Variants in DNM3 observed in about 807,000 individuals in gnomAD.
DNM3 encodes dynamin-3.
DNM3 carries 47 observed loss-of-function variants against 101.6 expected under a neutral mutation model. That is an observed-to-expected ratio of 0.46 (90% CI 0.37 to 0.59). DNM3 has a LOEUF of 0.59. Among genes scored for constraint, DNM3 ranks in the 20% least tolerant of loss-of-function variants. DNM3 has a pLI of 0.00. For synonymous variants in DNM3, 385 were observed against 387.9 expected, an observed-to-expected ratio of 0.99 and a Z score of 0.09; for missense variants, 849 against 1,085.7, an observed-to-expected ratio of 0.78 and a Z score of 3.06.
intron 10 of DNM3, among the ~76,000 whole-genome samples, chr1:172,061,588 T>G (rs1293942641): frequency 1.3e-5 from 2 of 151,536 alleles, no homozygotes; most frequent in African/African-American, 2.4e-5. Flanking sequence ...CTCAGTAAAC[T>G]ATCTCAAGAA....
At chr1:172,314,052 C>A (rs1394523386) in intron 16 of DNM3, among the ~76,000 whole-genome samples, 1 of 150,798 alleles carries the variant, frequency 6.6e-6, no homozygotes, top group Non-Finnish European at 1.5e-5. Flanking sequence ...AGTGTGGCAA[C>A]TCCTCAAGGA....
At chr1:172,170,358 A>AGAC (rs1296937028) in intron 14 of DNM3, among the ~76,000 whole-genome samples, 1 of 151,796 alleles carries the variant, frequency 6.6e-6, no homozygotes, top group African/African-American at 2.4e-5. Flanking sequence ...CAGATGTGCT[A>AGAC]GACTTAAGCA....
At chr1:172,348,424 A>C (rs113865753) in intron 17 of DNM3, among the ~76,000 whole-genome samples, 1 of 152,234 alleles carries the variant, frequency 6.6e-6, no homozygotes, top group African/African-American at 2.4e-5. Flanking sequence ...GGTCACCTAC[A>C]AAGGAGTGGA....
intron 13 of DNM3, among the ~76,000 whole-genome samples, chr1:172,097,489 G>C (rs2054324637): frequency 6.6e-6 from 1 of 152,124 alleles, no homozygotes; most frequent in African/African-American, 2.4e-5. Flanking sequence ...TGAGGTTCAG[G>C]ACTCATGTAC....
chr1:172,179,889 G>A (rs1022440194), intron 14 of DNM3, among the ~76,000 whole-genome samples: 29 of 151,924 alleles, frequency 1.9e-4, no homozygotes, highest in Non-Finnish European at 2.1e-4. Flanking sequence ...CGCCCATGGC[G>A]TACATAGCAG....
At chr1:171,849,810 TAA>T in intron 1 of DNM3, among the ~76,000 whole-genome samples, 1 of 152,228 alleles carries the variant, frequency 6.6e-6, no homozygotes, top group African/African-American at 2.4e-5. Flanking sequence ...AATTTAGAAA[TAA>T]AAAAGATTAA....
At chr1:172,355,860 A>G (rs2067428895) in intron 17 of DNM3, among the ~76,000 whole-genome samples, 1 of 152,136 alleles carries the variant, frequency 6.6e-6, no homozygotes, top group Non-Finnish European at 1.5e-5. Flanking sequence ...AGAACTGATG[A>G]AAGTCATGAA....
intron 2 of DNM3, among the ~76,000 whole-genome samples, chr1:171,937,002 A>T (rs193226500): frequency 4.6e-4 from 70 of 152,342 alleles, no homozygotes; most frequent in African/African-American, 1.5e-3. Context: ...GGAGTCACTA[A>T]TATGAGAACA....
intron 14 of DNM3, among the ~76,000 whole-genome samples, chr1:172,227,402 G>A (rs954936711): frequency 6.6e-6 from 1 of 150,596 alleles, no homozygotes. Flanking sequence ...ACACATGCAA[G>A]TGTCTTTTTG....
chr1:172,157,194 G>A (rs771374759), intron 14 of DNM3, among the ~76,000 whole-genome samples: 6 of 152,042 alleles, frequency 3.9e-5, no homozygotes, highest in East Asian at 1.9e-4. Flanking sequence ...GGGAGACAGC[G>A]ACAGATCATC....
chr1:172,006,861 A>G (rs2046729496), intron 4 of DNM3, among the ~76,000 whole-genome samples: 1 of 152,040 alleles, frequency 6.6e-6, no homozygotes, highest in East Asian at 1.9e-4. Flanking sequence ...GTTTTCTGTC[A>G]CTATAAATTA....
chr1:172,210,314 CTTTTTTTTTT>C (rs11330467), intron 14 of DNM3, among the ~76,000 whole-genome samples: 3 of 84,892 alleles, frequency 3.5e-5, no homozygotes, highest in Non-Finnish European at 7.2e-5. Context: ...AGAGAGCGTG[CTTTTTTTTTT>C]TTTTTTTTTT....
At chr1:172,048,476 G>T in intron 9 of DNM3, 136 bp from the exon 10 acceptor site, 1 of 916,104 alleles carries the variant, frequency 1.1e-6, no homozygotes. Context: ...AAACATTTTG[G>T]GCACTATGTA....
chr1:172,233,571 G>A (rs2061421053), intron 14 of DNM3, among the ~76,000 whole-genome samples: 1 of 152,126 alleles, frequency 6.6e-6, no homozygotes, highest in Non-Finnish European at 1.5e-5. Context: ...ACCAAAGCCT[G>A]GCAGAGACAC....
chr1:172,129,878 G>A lies in DNM3; in HGVS notation c.1546-1297G>A, dbSNP rs12085678. Reference sequence around the variant, plus strand: ...TTGTGAAGTAGAGAGTTAAAAAGCCGTGGAGAAAAGTGCATTAGCCCAGAC... The same window carrying A: ...TTGTGAAGTAGAGAGTTAAAAAGCCATGGAGAAAAGTGCATTAGCCCAGAC... On this transcript the variant is annotated intron_variant, in intron 13 of 20. Coordinates refer to ENST00000627582, the MANE Select transcript of DNM3 (RefSeq NM_015569.5). 5.2e-3 allele frequency among the ~76,000 whole-genome samples: 788 copies of A among 152,244 alleles called. 10 individuals are homozygous for A. Among genetic ancestry groups the A allele is most frequent in the African/African-American group, 0.018 (737 of 41,544 alleles).
intron 11 of DNM3, among the ~76,000 whole-genome samples, chr1:172,070,241 A>G (rs978216878): frequency 6.6e-6 from 1 of 152,352 alleles, no homozygotes; most frequent in African/African-American, 2.4e-5. Context: ...TGAACAAATC[A>G]GTATTAACTC....
chr1:172,415,800 G>C (rs1444804757), downstream of DNM3, among the ~76,000 whole-genome samples: 1 of 152,050 alleles, frequency 6.6e-6, no homozygotes, highest in Non-Finnish European at 1.5e-5. Context: ...AAAGTGCTGG[G>C]ATTACAGGCA....
At chr1:171,966,745 T>A (rs1273409127) in intron 2 of DNM3, among the ~76,000 whole-genome samples, 4 of 152,164 alleles carry the variant, frequency 2.6e-5, no homozygotes, top group African/African-American at 7.2e-5. Context: ...TATGTTCACT[T>A]TGGGGTGGAG....
intron 20 of DNM3, among the ~76,000 whole-genome samples, chr1:172,391,589 T>A (rs992273098): frequency 6.6e-6 from 1 of 152,222 alleles, no homozygotes; most frequent in African/African-American, 2.4e-5. Context: ...TCTGTTTGTT[T>A]AATATATTCT....
Sources: allele counts gnomAD v4.1 joint callset (sites outside exome capture counted in the v4.1 genomes callset), GRCh38; gene constraint gnomAD v4.1.1; transcripts MANE v1.5; gene names NCBI Gene and HGNC (gene_info 2026-07-23, HGNC 2026-07-21).